MYRFL: variants seen among roughly 807,000 people sequenced by gnomAD.
The protein encoded by MYRFL is myelin regulatory factor like.
A neutral mutation model predicts 109.4 loss-of-function variants in MYRFL; 88 were observed. The ratio of observed to expected loss-of-function variants is 0.80; its 90% CI spans 0.68 to 0.96. The LOEUF (loss-of-function observed/expected upper bound fraction) is 0.96, where lower values mean the gene tolerates loss of function less well. MYRFL is among the 40% of genes least tolerant of loss of function. The pLI, the probability that MYRFL is intolerant of heterozygous loss-of-function variation, is 0.00. For synonymous variants in MYRFL, 324 were observed against 320.9 expected, an observed-to-expected ratio of 1.01 and a Z score of -0.10; for missense variants, 957 against 954.9, an observed-to-expected ratio of 1.00 and a Z score of -0.03.
chr12:69,886,881 G>A lies in MYRFL; in HGVS notation c.618G>A (p.Met206Ile), dbSNP rs960390094. 1 of 1,535,934 alleles carries A rather than the reference G, an allele frequency of 6.5e-7. No individual in the cohort carries two copies. Among genetic ancestry groups the A allele is most frequent in the South Asian group, 1.2e-5 (1 of 84,050 alleles). The change falls in exon 6 of 25, where the codon ATG (methionine) becomes ATA (isoleucine). Residue 206 changes from methionine (M) to isoleucine (I), a missense_variant. Coordinates refer to ENST00000552032, the MANE Select transcript of MYRFL (RefSeq NM_182530.3). ...QDPDSEGQNR[M>I]PTDQCSPALK... Reference sequence around the variant, plus strand: ...CTGACAGTGAGGGACAGAACAGAATGCCTACAGACCAGTGCTCTCCTGCTC... The same window carrying A: ...CTGACAGTGAGGGACAGAACAGAATACCTACAGACCAGTGCTCTCCTGCTC...
At chr12:69,880,991 A>G (rs1341799520) in intron 5 of MYRFL, among the ~76,000 whole-genome samples, 3 of 114,836 alleles carry the variant, frequency 2.6e-5, no homozygotes, top group Admixed American at 1.2e-4. Flanking sequence ...CGTGTAACAC[A>G]TCATGTTTTG....
chr12:69,868,278 T>C (rs2136327656), intron 2 of MYRFL, among the ~76,000 whole-genome samples: 1 of 152,062 alleles, frequency 6.6e-6, no homozygotes, highest in East Asian at 1.9e-4. Context: ...GGCTAATTTT[T>C]TTGTATTTTT....
intron 2 of MYRFL, among the ~76,000 whole-genome samples, chr12:69,864,686 CACAG>C (rs1884909910): frequency 7.0e-6 from 1 of 142,642 alleles, no homozygotes; most frequent in African/African-American, 2.6e-5. Flanking sequence ...CACACACACA[CACAG>C]AGCTAGTAGG....
At chr12:69,926,499 A>T (rs1256360951) in intron 13 of MYRFL, 72 bp from the exon 14 acceptor site, 3 of 1,234,160 alleles carry the variant, frequency 2.4e-6, no homozygotes. Flanking sequence ...CTGTCTTTGA[A>T]TGGGCTGTAG....
At chr12:69,858,434 G>T (rs74101352) in intron 2 of MYRFL, among the ~76,000 whole-genome samples, 2 of 151,726 alleles carry the variant, frequency 1.3e-5, no homozygotes, top group African/African-American at 4.8e-5. Flanking sequence ...TTTATTTCTT[G>T]CTTAAATGTT....
chr12:69,935,976 G>T, intron 16 of MYRFL, 137 bp from the exon 17 acceptor site: 1 of 979,010 alleles, frequency 1.0e-6, no homozygotes, highest in Non-Finnish European at 1.5e-6. Context: ...TGTCAGCCGT[G>T]GCCATCCCCT....
chr12:69,855,016 G>T (rs1884186186), intron 1 of MYRFL, among the ~76,000 whole-genome samples: 1 of 152,168 alleles, frequency 6.6e-6, no homozygotes, highest in African/African-American at 2.4e-5. Context: ...CTTTTGGCAG[G>T]TCTAAAGAAA....
At chr12:69,875,710 T>C (rs1027944149) in intron 2 of MYRFL, among the ~76,000 whole-genome samples, 19 of 152,172 alleles carry the variant, frequency 1.2e-4, no homozygotes, top group Admixed American at 9.2e-4. Context: ...GGGATCTAGA[T>C]TGCATGTGCC....
Position 69,936,320 on chromosome 12 carries a change from A to C in MYRFL, c.2029A>C (p.Thr677Pro). The change falls in exon 18 of 25, where the codon ACA (threonine) becomes CCA (proline). Residue 677 changes from threonine to proline, a missense_variant. By Grantham distance (38) the Thr-to-Pro change is conservative. Coordinates refer to ENST00000552032, the MANE Select transcript of MYRFL (RefSeq NM_182530.3). Reference protein sequence around the residue: ...TSSQEPALLPTASSSAPNTSL... With the variant: ...TSSQEPALLPPASSSAPNTSL... ...CTCACAGGAGCCAGCTCTGCTGCCC[A>C]CAGCCTCCTCCTCAGGTAAAGGCTT... The C allele has an allele frequency of 6.5e-7, 1 of 1,536,144 alleles. No homozygotes were observed. The highest frequency in any genetic ancestry group is 8.7e-7 in the Non-Finnish European group (1 of 1,146,928).
rs1277296623 is a variant in MYRFL at position 69,891,682 on chromosome 12, T to TTTCA, written c.903+519_903+520insATTC. Reference sequence around the variant, plus strand: ...CTTTCTTTCTTTCTTTCTTTCTTTCTTTCGTTCGTTCGTTCTTTCTTTCTT... The same window carrying TTTCA: ...CTTTCTTTCTTTCTTTCTTTCTTTCTTTCATTCGTTCGTTCGTTCTTTCTTTCTT... On this transcript the variant is annotated intron_variant, in intron 7 of 24. Coordinates refer to ENST00000552032, the MANE Select transcript of MYRFL (RefSeq NM_182530.3). Among the ~76,000 whole-genome samples, 19 of 101,474 alleles carry TTTCA rather than the reference T, an allele frequency of 1.9e-4. 1 individual carries two copies. Among genetic ancestry groups the TTTCA allele is most frequent in the African/African-American group, 8.3e-4 (19 of 22,902 alleles). The allele number at this position is 101,474 out of a possible 152,430, so 66.6% of individuals were successfully genotyped here.
In MYRFL at chr12:69,914,843, ATGT is replaced by A. The variant is rs545072665; in HGVS notation, c.1602+3917_1602+3919del. ...AAACTCACAGGAGTCCAGGAGGGAAATGTTGTGATTCTCTTAAAAACAGGACCC... is the reference window on the plus strand; with the variant it reads ...AAACTCACAGGAGTCCAGGAGGGAAATGTGATTCTCTTAAAAACAGGACCC... On this transcript the variant is annotated intron_variant, in intron 13 of 24. Coordinates refer to ENST00000552032, the MANE Select transcript of MYRFL (RefSeq NM_182530.3). 3.0e-4 allele frequency among the ~76,000 whole-genome samples: 46 copies of A among 152,272 alleles called. No individual in the cohort carries two copies. In the East Asian group the frequency reaches 7.7e-3, roughly 26 times the overall value.
intron 1 of MYRFL, among the ~76,000 whole-genome samples, chr12:69,834,694 T>C (rs886743299): frequency 6.6e-6 from 1 of 152,204 alleles, no homozygotes; most frequent in Non-Finnish European, 1.5e-5. Context: ...ATACATTTCT[T>C]TTTCAAAGAA....
rs1955495047 is a variant in MYRFL, at chr12:69,937,150, A to G, written c.2224+518A>G. Among the ~76,000 whole-genome samples, 3 of 152,128 alleles carry G rather than the reference A, an allele frequency of 2.0e-5. No individual in the cohort carries two copies. In the South Asian group the frequency reaches 6.2e-4, roughly 32 times the overall value. ...CACACACACACATACATACATACCA[A>G]TGTTATTCAAGTAACACAATTTTCA... On this transcript the variant is annotated intron_variant, in intron 19 of 24. Transcript: ENST00000552032.
At position 69,903,742 on chromosome 12, in the gene MYRFL, C is replaced by T. The variant is rs1262957482; in HGVS notation, c.1281C>T (p.Asn427=). The T allele has an allele frequency of 2.0e-6, 3 of 1,535,828 alleles. No individual in the cohort carries two copies. The highest frequency in any genetic ancestry group is 3.9e-5 in the Admixed American group (2 of 51,000). The change falls in exon 11 of 25, where the codon AAC becomes AAT. Residue 427 remains asparagine (N), a synonymous_variant. Coordinates refer to ENST00000552032, the MANE Select transcript of MYRFL (RefSeq NM_182530.3). ...SIVCHGRVGI[N]TDAPDEALVV... ...TCTGTCACGGTCGAGTAGGAATCAA[C>T]ACAGATGCGCCGGACGAAGCCCTGG... is the stretch of plus-strand genomic sequence containing the variant.
chr12:69,884,103 C>A (rs10748140), intron 5 of MYRFL, among the ~76,000 whole-genome samples: 48,506 of 151,948 alleles, frequency 0.32, 8,041 homozygotes, highest in African/African-American at 0.37. Flanking sequence ...AAATAGTGTA[C>A]TTATGATCTG....
intron 19 of MYRFL, among the ~76,000 whole-genome samples, chr12:69,937,564 A>AAATT (rs1234768831): frequency 4.6e-5 from 7 of 152,262 alleles, no homozygotes; most frequent in African/African-American, 1.7e-4. Flanking sequence ...AGAACAAGGC[A>AAATT]AATTATGTTC....
At chr12:69,898,500 G>A (rs560907889) in intron 10 of MYRFL, among the ~76,000 whole-genome samples, 1 of 152,300 alleles carries the variant, frequency 6.6e-6, no homozygotes, top group Admixed American at 6.5e-5. Context: ...CAATACAGAG[G>A]TGCCTGTCCA....
chr12:69,883,064 G>T lies in MYRFL; in HGVS notation c.556+2772G>T, dbSNP rs1469192459. On this transcript the variant is annotated intron_variant, in intron 5 of 24. Transcript: ENST00000552032. Reference sequence around the variant, plus strand: ...TGCAAGCTATCAGTTTTCTCCAAAAGGTCTGGACTTAGGCAGTTTGCTGCT... The same window carrying T: ...TGCAAGCTATCAGTTTTCTCCAAAATGTCTGGACTTAGGCAGTTTGCTGCT... Among the ~76,000 whole-genome samples the T allele has an allele frequency of 3.3e-5, 5 of 152,212 alleles. No homozygotes were observed. In the East Asian group the frequency reaches 9.6e-4, roughly 29 times the overall value.
At chr12:69,852,249 T>C (rs899957444) in intron 1 of MYRFL, among the ~76,000 whole-genome samples, 3 of 152,200 alleles carry the variant, frequency 2.0e-5, no homozygotes, top group Non-Finnish European at 4.4e-5. Flanking sequence ...TTTGCAATGT[T>C]GTCTTTCAGC....
Sources: gnomAD v4.1 joint callset for allele counts (sites outside exome capture counted in the v4.1 genomes callset) on GRCh38, gnomAD v4.1.1 for gene constraint, MANE v1.5 for transcripts, NCBI Gene and HGNC (gene_info 2026-07-23, HGNC 2026-07-21) for gene names.